LY96: variants seen among roughly 807,000 people sequenced by gnomAD.
LY96 encodes the protein lymphocyte antigen 96, also known as myeloid differentiation protein-2.
Under a neutral mutation model 18.9 loss-of-function variants are expected in LY96, and 18 were observed. That is an observed-to-expected ratio of 0.95 (90% CI 0.66 to 1.41). The LOEUF (loss-of-function observed/expected upper bound fraction) is 1.41. Among genes scored for constraint, LY96 ranks in the 40% most tolerant of loss-of-function variants. LY96 has a pLI of 0.00. For missense variants in LY96, 175 were observed against 182.4 expected (o/e 0.96, Z 0.23); for synonymous variants, 66 against 62.6 (o/e 1.06, Z -0.26).
chr8:74,028,455 T>C (rs568963178), intron 4 of LY96, among the ~76,000 whole-genome samples: 2 of 152,344 alleles, frequency 1.3e-5, no homozygotes, highest in South Asian at 4.1e-4. Context: ...ACTATTCATG[T>C]AAATATAATG....
At chr8:74,007,933 T>C (rs761558724) in intron 2 of LY96, among the ~76,000 whole-genome samples, 8 of 152,218 alleles carry the variant, frequency 5.3e-5, no homozygotes, top group Non-Finnish European at 7.3e-5. Flanking sequence ...CTAATTTTTG[T>C]ATTTTTAGCA....
intron 1 of LY96, among the ~76,000 whole-genome samples, chr8:74,004,097 G>C (rs961653525): frequency 6.6e-6 from 1 of 152,208 alleles, no homozygotes; most frequent in Non-Finnish European, 1.5e-5. Context: ...TGATGAGACA[G>C]ATATAAGTTT....
At chr8:74,029,429 G>T (rs568228186), downstream of LY96, among the ~76,000 whole-genome samples, 47 of 152,188 alleles carry the variant, frequency 3.1e-4, no homozygotes, top group Non-Finnish European at 6.6e-4. Context: ...CCAGTGGGAG[G>T]TAATTGAATC....
intron 1 of LY96, 100 bp downstream of exon 1, chr8:73,991,654 C>A: frequency 1.3e-6 from 1 of 752,008 alleles, no homozygotes; most frequent in Non-Finnish European, 2.4e-6. Flanking sequence ...CACGAAACAT[C>A]AGTGTGTTCC....
rs1444247890 is a variant in LY96 at position 73,994,489 on chromosome 8, AGT to A, written c.112+2938_112+2939del. On this transcript the variant is annotated intron_variant, in intron 1 of 4. Transcript: ENST00000284818. ...ATTTGGTCAAGCTGCTGGGCATCTA[AGT>A]GTATGTTTTTTTAAACACAGAGTCT... Among the ~76,000 whole-genome samples, 3 of 152,150 alleles carry A rather than the reference AGT, an allele frequency of 2.0e-5. No individual in the cohort carries two copies. In the East Asian group the frequency reaches 5.8e-4, roughly 29 times the overall value.
rs376445801 is a variant in LY96, at chr8:74,002,093, T to TTCTC, written c.113-2667_113-2664dup. Among the ~76,000 whole-genome samples the TTCTC allele has an allele frequency of 1.3e-3, 52 of 38,724 alleles. 14 individuals carry two copies. Among genetic ancestry groups the TTCTC allele is most frequent in the Middle Eastern group, 0.027 (2 of 74 alleles). 25.4% of individuals were successfully genotyped at this position (38,724 alleles called of 152,430 possible). On this transcript the variant is annotated intron_variant, in intron 1 of 4. Coordinates refer to ENST00000284818, the MANE Select transcript of LY96 (RefSeq NM_015364.5). Reference sequence around the variant, plus strand: ...TTCCTTCCTTTCTTTCTTTCTTTCTTTCTCTCTCTCTCTCTCTCTCTCTCT... The same window carrying TTCTC: ...TTCCTTCCTTTCTTTCTTTCTTTCTTTCTCTCTCTCTCTCTCTCTCTCTCTCTCT...
At chr8:74,009,415 A>C (rs1263013505) in intron 2 of LY96, among the ~76,000 whole-genome samples, 2 of 151,150 alleles carry the variant, frequency 1.3e-5, no homozygotes, top group Non-Finnish European at 2.9e-5. Flanking sequence ...AAAGAAAAGA[A>C]AAGAAAGAAA....
At chr8:74,093,939 C>T in the LY96 span, among the ~76,000 whole-genome samples, 1 of 152,078 alleles carries the variant, frequency 6.6e-6, no homozygotes, top group Admixed American at 6.6e-5. Flanking sequence ...AATCTATAGG[C>T]ATGGAGAAGA....
chr8:74,032,990 A>T (rs1816995166), downstream of LY96, among the ~76,000 whole-genome samples: 1 of 152,184 alleles, frequency 6.6e-6, no homozygotes, highest in Admixed American at 6.5e-5. Flanking sequence ...TGGCTTTATG[A>T]TGACCCAAAT....
chr8:74,054,261 A>C, the LY96 span, among the ~76,000 whole-genome samples: 22,567 of 152,132 alleles, frequency 0.15, 2,174 homozygotes, highest in Non-Finnish European at 0.21. Flanking sequence ...TCCTGGGCTC[A>C]AGCAGTCCTC....
chr8:74,010,089 A>C lies in LY96; in HGVS notation c.291A>C (p.Gly97=), dbSNP rs1816499970. 2 of 1,613,368 alleles carry C rather than the reference A, an allele frequency of 1.2e-6. No homozygotes were observed. The highest frequency in any genetic ancestry group is 1.7e-6 in the Non-Finnish European group (2 of 1,179,458). ...AGCGCAAAGAAGTTATTTGCCGAGG[A>C]TCTGATGACGATTACTCTTTTTGCA... ...LPKRKEVICR[G]SDDDYSFCRA... Residue 97 remains glycine, a synonymous_variant, in exon 3 of 5, where the codon GGA becomes GGC. Coordinates refer to ENST00000284818, the MANE Select transcript of LY96 (RefSeq NM_015364.5).
chr8:74,018,943 T>C (rs991238511), intron 3 of LY96, among the ~76,000 whole-genome samples: 1 of 152,180 alleles, frequency 6.6e-6, no homozygotes, highest in African/African-American at 2.4e-5. Context: ...GGGAAATTTA[T>C]AGCACTAAAT....
the LY96 span, among the ~76,000 whole-genome samples, chr8:74,040,358 T>G: frequency 6.6e-6 from 1 of 152,230 alleles, no homozygotes; most frequent in Non-Finnish European, 1.5e-5. Context: ...TATTTGTCCA[T>G]TTTTGGTTTG....
intron 1 of LY96, among the ~76,000 whole-genome samples, chr8:73,999,851 A>C (rs1222003424): frequency 6.6e-6 from 1 of 151,800 alleles, no homozygotes; most frequent in East Asian, 1.9e-4. Context: ...GTCTTTAGGG[A>C]TTTCTATATA....
At chr8:74,078,990 C>T in the LY96 span, among the ~76,000 whole-genome samples, 1 of 152,098 alleles carries the variant, frequency 6.6e-6, no homozygotes, top group Admixed American at 6.5e-5. Context: ...CTAAGGGATG[C>T]TCAGATAGCT....
At chr8:74,003,030 T>C (rs971081018) in intron 1 of LY96, among the ~76,000 whole-genome samples, 1 of 152,266 alleles carries the variant, frequency 6.6e-6, no homozygotes, top group Non-Finnish European at 1.5e-5. Flanking sequence ...TTCATTTCCT[T>C]AGTGTAAGTG....
chr8:74,067,244 T>C, the LY96 span, among the ~76,000 whole-genome samples: 1 of 152,188 alleles, frequency 6.6e-6, no homozygotes, highest in African/African-American at 2.4e-5. Context: ...TACGTATTTA[T>C]TTTTTGAGAC....
rs192291668 is a variant in LY96, at chr8:74,019,723, A to C, written c.332-7066A>C. On this transcript the variant is annotated intron_variant, in intron 3 of 4. Coordinates refer to ENST00000284818, the MANE Select transcript of LY96 (RefSeq NM_015364.5). ...AACACATCAAAAAGCTTATGCGCCA[A>C]GATCAAGTTGGCTTCATCCTTGGGA... 9.2e-4 allele frequency among the ~76,000 whole-genome samples: 140 copies of C among 152,252 alleles called. 1 individual carries two copies. The highest frequency in any genetic ancestry group is 4.8e-3 in the East Asian group (25 of 5,180).
chr8:74,070,327 G>C, the LY96 span, among the ~76,000 whole-genome samples: 2 of 151,976 alleles, frequency 1.3e-5, no homozygotes, highest in Admixed American at 1.3e-4. Context: ...TCCTGACCTC[G>C]TGATCCGCCC....
Sources: allele counts gnomAD v4.1 joint callset (sites outside exome capture counted in the v4.1 genomes callset), GRCh38; gene constraint gnomAD v4.1.1; transcripts MANE v1.5; gene names NCBI Gene and HGNC (gene_info 2026-07-23, HGNC 2026-07-21).